Variants in ZC3H12B observed in about 807,000 individuals in gnomAD.
ZC3H12B encodes zinc finger CCCH-type containing 12B, also known as probable ribonuclease ZC3H12B.
Under a neutral mutation model 43.9 loss-of-function variants are expected in ZC3H12B, and 7 were observed. That is an observed-to-expected ratio of 0.16 (90% confidence interval 0.09 to 0.30). The LOEUF (loss-of-function observed/expected upper bound fraction) is 0.30. Among genes scored for constraint, ZC3H12B ranks in the 10% least tolerant of loss-of-function variants. The pLI, the probability that ZC3H12B is intolerant of heterozygous loss-of-function variation, is 1.00. For missense variants in ZC3H12B, 475 were observed against 670.2 expected (o/e 0.71, Z 3.22); for synonymous variants, 222 against 241.7 (o/e 0.92, Z 0.76).
the ZC3H12B span, among the ~76,000 whole-genome samples, chrX:65,228,826 C>G: frequency 1.3e-4 from 14 of 111,485 alleles, no homozygotes; most frequent in South Asian, 7.5e-4. Context: ...CAACTTACAA[C>G]AGACGTGAAG....
chrX:65,125,993 A>G, the ZC3H12B span, among the ~76,000 whole-genome samples: 1 of 107,576 alleles, frequency 9.3e-6, no homozygotes, highest in East Asian at 2.9e-4. Context: ...GATATGAGGT[A>G]CTATTCTATT....
chrX:65,345,209 G>C, the ZC3H12B span, among the ~76,000 whole-genome samples: 3 of 111,892 alleles, frequency 2.7e-5, no homozygotes, highest in Admixed American at 1.9e-4. Flanking sequence ...TATATACAAA[G>C]GAATGTAAGT....
At chrX:65,453,398 ATATAT>A (rs1569414446) in intron 3 of ZC3H12B, among the ~76,000 whole-genome samples, 8 of 87,522 alleles carry the variant, frequency 9.1e-5, no homozygotes, top group African/African-American at 2.9e-4. Flanking sequence ...ATATATATAT[ATATAT>A]AAAATAGAAT....
the ZC3H12B span, among the ~76,000 whole-genome samples, chrX:65,267,774 GCAGTT>G: frequency 9.0e-6 from 1 of 111,345 alleles, no homozygotes; most frequent in Non-Finnish European, 1.9e-5. Context: ...TTCAAGAAAA[GCAGTT>G]CTAAGAAAGA....
intron 1 of ZC3H12B, among the ~76,000 whole-genome samples, chrX:65,491,479 G>A (rs2068201640): frequency 9.0e-6 from 1 of 110,887 alleles, no homozygotes; most frequent in African/African-American, 3.3e-5. Flanking sequence ...AGCCGAGGTG[G>A]GAGGATCGCT....
chrX:65,227,491 A>T, the ZC3H12B span, among the ~76,000 whole-genome samples: 21 of 110,675 alleles, frequency 1.9e-4, no homozygotes, highest in Admixed American at 5.8e-4. Flanking sequence ...GCAAGAGCAA[A>T]CACATTCAAA....
chrX:65,504,194 A>G (rs1443303781), exon 5 of ZC3H12B: 1 of 112,155 alleles, frequency 8.9e-6, no homozygotes, highest in Middle Eastern at 4.2e-3. Flanking sequence ...ATGAATATAT[A>G]TATTTGGTTT....
intron 3 of ZC3H12B, among the ~76,000 whole-genome samples, chrX:65,452,787 G>A (rs895389533): frequency 5.5e-5 from 6 of 108,883 alleles, no homozygotes; most frequent in African/African-American, 2.0e-4. Context: ...GTTACAGCAA[G>A]CCAAGATAGT....
chrX:65,388,425 G>C (rs1182001328), intron 2 of ZC3H12B, among the ~76,000 whole-genome samples: 2 of 111,803 alleles, frequency 1.8e-5, no homozygotes, highest in Non-Finnish European at 1.9e-5. Context: ...TCTTCCAGTT[G>C]ATCAAATCGG....
intron 2 of ZC3H12B, among the ~76,000 whole-genome samples, chrX:65,392,181 C>T (rs2066626505): frequency 9.0e-6 from 1 of 111,720 alleles, no homozygotes; most frequent in Admixed American, 9.5e-5. Context: ...TCTGCCTGGC[C>T]GCCACCCCGT....
At chrX:65,212,885 A>T in the ZC3H12B span, among the ~76,000 whole-genome samples, 1 of 106,676 alleles carries the variant, frequency 9.4e-6, no homozygotes, top group Non-Finnish European at 1.9e-5. Context: ...TAAATATTTT[A>T]TGAACTAATA....
the ZC3H12B span, among the ~76,000 whole-genome samples, chrX:65,339,223 G>A: frequency 2.7e-5 from 3 of 111,128 alleles, no homozygotes; most frequent in Non-Finnish European, 5.7e-5. Context: ...GATCTCCAGA[G>A]GGAAGGCATA....
chrX:65,253,941 G>A, the ZC3H12B span, among the ~76,000 whole-genome samples: 3 of 112,036 alleles, frequency 2.7e-5, no homozygotes, highest in Non-Finnish European at 5.6e-5. Flanking sequence ...GCCAGTTCAG[G>A]TCTTCATGTG....
At chrX:65,125,020 C>A in the ZC3H12B span, among the ~76,000 whole-genome samples, 1 of 110,110 alleles carries the variant, frequency 9.1e-6, no homozygotes, top group Non-Finnish European at 1.9e-5. Flanking sequence ...TTTTCTTCTG[C>A]TGGCTTTGGG....
At chrX:65,311,859 C>A in the ZC3H12B span, among the ~76,000 whole-genome samples, 15 of 111,062 alleles carry the variant, frequency 1.4e-4, no homozygotes, top group African/African-American at 4.6e-4. Context: ...ATGGATGCAG[C>A]TGGAAACCAT....
the ZC3H12B span, among the ~76,000 whole-genome samples, chrX:65,122,629 T>A: frequency 9.0e-6 from 1 of 111,074 alleles, no homozygotes; most frequent in African/African-American, 3.3e-5. Flanking sequence ...TATGCTGTAT[T>A]CAGGAAACCC....
chrX:65,191,602 A>G, the ZC3H12B span, among the ~76,000 whole-genome samples: 4 of 103,889 alleles, frequency 3.9e-5, no homozygotes, highest in Non-Finnish European at 7.6e-5. Context: ...TGTTTGTAGT[A>G]TTCTCTGATG....
the ZC3H12B span, among the ~76,000 whole-genome samples, chrX:65,195,864 C>T: frequency 8.9e-6 from 1 of 112,403 alleles, no homozygotes; most frequent in East Asian, 2.8e-4. Flanking sequence ...CCCCCAAATG[C>T]TGTTTGCTTT....
At chrX:65,456,718 G>T (rs1233562606) in intron 3 of ZC3H12B, among the ~76,000 whole-genome samples, 10 of 108,868 alleles carry the variant, frequency 9.2e-5, no homozygotes, top group Non-Finnish European at 1.7e-4. Context: ...CACCGGGATT[G>T]CAGACAGAGT....
Sources: gnomAD v4.1 joint callset for allele counts (sites outside exome capture counted in the v4.1 genomes callset) on GRCh38, gnomAD v4.1.1 for gene constraint, MANE v1.5 for transcripts, NCBI Gene and HGNC (gene_info 2026-07-23, HGNC 2026-07-21) for gene names.